The following CDH8 variants were observed in gnomAD, a reference collection of about 807,000 sequenced individuals.
CDH8 encodes cadherin 8, also known as cadherin-8.
Under a neutral mutation model 68.1 loss-of-function variants are expected in CDH8, and 17 were observed. The observed-to-expected ratio is 0.25, with a 90% CI of 0.17 to 0.37. The LOEUF is 0.37. CDH8 is among the 10% of genes least tolerant of loss of function. CDH8 has a pLI of 1.00. For synonymous variants in CDH8, 372 were observed against 365.1 expected (o/e 1.02, Z -0.21); for missense variants, 763 against 999.3 (o/e 0.76, Z 3.19).
chr16:61,701,011 A>G (rs1964418979), intron 10 of CDH8, among the ~76,000 whole-genome samples: 1 of 152,208 alleles, frequency 6.6e-6, no homozygotes, highest in Admixed American at 6.5e-5. Context: ...CCCCACAAAT[A>G]TGTACAGTTA....
At chr16:61,881,029 C>G in intron 3 of CDH8, among the ~76,000 whole-genome samples, 1 of 152,086 alleles carries the variant, frequency 6.6e-6, no homozygotes, top group Non-Finnish European at 1.5e-5. Flanking sequence ...ATGCTGCCAA[C>G]AGCCAGGAGA....
chr16:62,033,321 T>C (rs1396386513), intron 1 of CDH8, among the ~76,000 whole-genome samples: 1 of 152,214 alleles, frequency 6.6e-6, no homozygotes, highest in Admixed American at 6.5e-5. Context: ...TTTTCCAGTG[T>C]AAGGAATTCC....
intron 2 of CDH8, among the ~76,000 whole-genome samples, chr16:61,968,689 T>C (rs1965292628): frequency 6.6e-6 from 1 of 152,252 alleles, no homozygotes; most frequent in South Asian, 2.1e-4. Flanking sequence ...CTCATTTGCA[T>C]TGACTGGATT....
chr16:61,878,876 C>T (rs553961564), intron 3 of CDH8, among the ~76,000 whole-genome samples: 1 of 152,230 alleles, frequency 6.6e-6, no homozygotes, highest in South Asian at 2.1e-4. Flanking sequence ...CCACAATTCA[C>T]TCTCCAGACC....
chr16:61,970,675 G>A (rs746680365), intron 2 of CDH8, among the ~76,000 whole-genome samples: 3 of 152,160 alleles, frequency 2.0e-5, no homozygotes, highest in Non-Finnish European at 4.4e-5. Flanking sequence ...TACAGATTCT[G>A]CATCAGGCAC....
intron 8 of CDH8, among the ~76,000 whole-genome samples, chr16:61,761,876 T>C (rs1960479615): frequency 6.6e-6 from 1 of 152,092 alleles, no homozygotes; most frequent in Non-Finnish European, 1.5e-5. Flanking sequence ...GGCACATGCT[T>C]GTAGTCTCAG....
intron 10 of CDH8, among the ~76,000 whole-genome samples, chr16:61,699,311 C>T (rs1221881022): frequency 3.3e-5 from 5 of 152,088 alleles, no homozygotes; most frequent in East Asian, 1.9e-4. Flanking sequence ...CACCACCATG[C>T]GTTGGATTTT....
At chr16:61,955,888 T>TA (rs561348381) in intron 2 of CDH8, among the ~76,000 whole-genome samples, 113 of 152,270 alleles carry the variant, frequency 7.4e-4, no homozygotes, top group African/African-American at 2.7e-3. Flanking sequence ...AAATACACAG[T>TA]TCCATTATCA....
chr16:61,867,171 G>T (rs1963272208), intron 3 of CDH8, among the ~76,000 whole-genome samples: 1 of 152,170 alleles, frequency 6.6e-6, no homozygotes, highest in Non-Finnish European at 1.5e-5. Flanking sequence ...TGAGTTCACA[G>T]AGTTTTTAAA....
rs569346531 is a variant in CDH8 at position 61,824,530 on chromosome 16, T to C, written c.835+482A>G. 4.6e-5 allele frequency among the ~76,000 whole-genome samples: 7 copies of C among 152,018 alleles called. No individual in the cohort carries two copies. In the East Asian group the frequency reaches 1.4e-3, roughly 30 times the overall value. On this transcript the variant is annotated intron_variant, in intron 5 of 11. Transcript: ENST00000577390. ...CTGTTGAAATTTCCAAGGCAGAGTA[T>C]GGCTTTAGCAGGGAAGAGTGGAGTC...
rs1596831705 is a variant in CDH8, at chr16:61,653,160, T to G, written c.*448A>C. ...TATTGCTTTATCATTTGTGGCGGGATCCTTATTGGTGAAGGGGAAAAAACC... is the reference window on the plus strand; with the variant it reads ...TATTGCTTTATCATTTGTGGCGGGAGCCTTATTGGTGAAGGGGAAAAAACC... On this transcript the variant is annotated 3_prime_UTR_variant, in exon 12 of 12. Coordinates refer to ENST00000577390, the MANE Select transcript of CDH8 (RefSeq NM_001796.5). 8.1e-7 allele frequency: 1 copy of G among 1,231,450 alleles called. No homozygotes were observed. Among genetic ancestry groups the G allele is most frequent in the Non-Finnish European group, 1.0e-6 (1 of 988,396 alleles). The allele number at this position is 1,231,450 out of a possible 1,614,324, so 76.3% of individuals were successfully genotyped here.
At chr16:61,952,165 T>C (rs2143591679) in intron 2 of CDH8, among the ~76,000 whole-genome samples, 1 of 152,282 alleles carries the variant, frequency 6.6e-6, no homozygotes, top group Admixed American at 6.5e-5. Context: ...GGAGTCAAAA[T>C]AATGAGCAAA....
intron 8 of CDH8, among the ~76,000 whole-genome samples, chr16:61,782,626 T>G (rs1306993305): frequency 6.6e-6 from 1 of 151,580 alleles, no homozygotes; most frequent in East Asian, 1.9e-4. Context: ...AGGCTCCACC[T>G]CTGGGGGCAG....
intron 8 of CDH8, among the ~76,000 whole-genome samples, chr16:61,741,703 T>C (rs1326023264): frequency 6.6e-6 from 1 of 152,154 alleles, no homozygotes; most frequent in African/African-American, 2.4e-5. Flanking sequence ...TTCTATTCCA[T>C]TGGTCTATTT....
chr16:61,797,626 A>G (rs988685828), intron 7 of CDH8, among the ~76,000 whole-genome samples: 8 of 152,154 alleles, frequency 5.3e-5, no homozygotes, highest in African/African-American at 1.9e-4. Context: ...AGAGTATGCA[A>G]TCAAGATTTC....
intron 2 of CDH8, among the ~76,000 whole-genome samples, chr16:61,916,581 C>G (rs571805756): frequency 2.4e-4 from 36 of 152,110 alleles, no homozygotes; most frequent in Admixed American, 5.2e-4. Flanking sequence ...CTGGTGAACT[C>G]AGGTCACTAT....
intron 1 of CDH8, among the ~76,000 whole-genome samples, chr16:62,028,950 A>G (rs1902261357): frequency 6.6e-6 from 1 of 152,222 alleles, no homozygotes; most frequent in South Asian, 2.1e-4. Flanking sequence ...ATAGCAATCA[A>G]TCAGAATCAA....
intron 3 of CDH8, among the ~76,000 whole-genome samples, chr16:61,870,456 CA>C (rs1023601794): frequency 6.6e-6 from 1 of 152,064 alleles, no homozygotes; most frequent in African/African-American, 2.4e-5. Flanking sequence ...GAAATGTTTT[CA>C]AAACAGTATT....
intron 2 of CDH8, among the ~76,000 whole-genome samples, chr16:61,952,322 T>C (rs115794219): frequency 0.02 from 3,006 of 152,292 alleles, 94 homozygotes; most frequent in African/African-American, 0.069. Context: ...GTGCTGAGAA[T>C]ATAATAATGT....
Sources: gnomAD v4.1 joint callset for allele counts (sites outside exome capture counted in the v4.1 genomes callset) on GRCh38, gnomAD v4.1.1 for gene constraint, MANE v1.5 for transcripts, NCBI Gene and HGNC (gene_info 2026-07-23, HGNC 2026-07-21) for gene names.